BCL2: variants seen among roughly 807,000 people sequenced by gnomAD.
BCL2 encodes the protein apoptosis regulator Bcl-2.
In BCL2, 1 loss-of-function variant was observed where a neutral mutation model predicts 14.2. That is an observed-to-expected ratio of 0.07 (90% CI 0.02 to 0.33). BCL2 has a LOEUF of 0.33. Among genes scored for constraint, BCL2 ranks in the 10% least tolerant of loss-of-function variants. BCL2 has a pLI of 0.99. For missense variants in BCL2, 247 were observed against 305.9 expected (o/e 0.81, Z 1.44); for synonymous variants, 151 against 137.2 (o/e 1.10, Z -0.70).
intron 2 of BCL2, among the ~76,000 whole-genome samples, chr18:63,267,258 C>T (rs1180774015): frequency 1.3e-5 from 2 of 152,192 alleles, no homozygotes; most frequent in Non-Finnish European, 2.9e-5. Flanking sequence ...AGAAAAATTT[C>T]TCTGGCAAGA....
chr18:63,299,319 G>T (rs999271672), intron 2 of BCL2, among the ~76,000 whole-genome samples: 4 of 152,184 alleles, frequency 2.6e-5, no homozygotes, highest in Admixed American at 2.6e-4. Context: ...AGTGTTCAGC[G>T]ATGATCAACT....
intron 2 of BCL2, among the ~76,000 whole-genome samples, chr18:63,268,231 TG>T (rs1911892785): frequency 6.6e-6 from 1 of 152,224 alleles, no homozygotes; most frequent in Non-Finnish European, 1.5e-5. Context: ...GCTGTCTAGA[TG>T]TTTCTTAGAA....
At chr18:63,292,254 T>C (rs1354145883) in intron 2 of BCL2, among the ~76,000 whole-genome samples, 1 of 143,868 alleles carries the variant, frequency 7.0e-6, no homozygotes, top group African/African-American at 2.6e-5. Context: ...TCATGCCCAA[T>C]CCTTCAAAAG....
intron 2 of BCL2, among the ~76,000 whole-genome samples, chr18:63,291,857 C>A (rs554438774): frequency 6.6e-6 from 1 of 151,552 alleles, no homozygotes; most frequent in African/African-American, 2.4e-5. Flanking sequence ...CTTTCCTATT[C>A]TTAGAATCCT....
In BCL2 at chr18:63,277,574, CTT is replaced by C. The variant is rs11384331; in HGVS notation, c.585+40506_585+40507del. 1.5e-3 allele frequency among the ~76,000 whole-genome samples: 198 copies of C among 135,018 alleles called. 1 individual carries two copies. The highest frequency in any genetic ancestry group is 5.0e-3 in the African/African-American group (184 of 36,512). 88.6% of individuals were successfully genotyped at this position (135,018 alleles called of 152,430 possible). A position where few individuals can be genotyped will look rare whatever the true frequency, so the allele number is the denominator to read the frequency against. ...CTGGGTGACAGAGGGAGATCATGTCCTTTTTTTTTTTTTTTTTTAAGGTATTT... is the reference window on the plus strand; with the variant it reads ...CTGGGTGACAGAGGGAGATCATGTCCTTTTTTTTTTTTTTTTAAGGTATTT... On this transcript the variant is annotated intron_variant, in intron 2 of 2. Coordinates refer to ENST00000333681, the MANE Select transcript of BCL2 (RefSeq NM_000633.3).
At position 63,148,236 on chromosome 18, in the gene BCL2, T is replaced by C. The variant is rs564863249; in HGVS notation, c.586-19477A>G. 2.6e-5 allele frequency among the ~76,000 whole-genome samples: 4 copies of C among 152,314 alleles called. No homozygotes were observed. The East Asian group carries it at 7.7e-4, about 29-fold the overall frequency. On this transcript the variant is annotated intron_variant, in intron 2 of 2. Coordinates refer to ENST00000333681, the MANE Select transcript of BCL2 (RefSeq NM_000633.3). ...AAGAGAAGAATATCCATTTTCTCTCTCTCTCTCTTTTCCATTTTTATTAAG... is the reference window on the plus strand; with the variant it reads ...AAGAGAAGAATATCCATTTTCTCTCCCTCTCTCTTTTCCATTTTTATTAAG...
At chr18:63,175,177 A>C (rs1429273051) in intron 2 of BCL2, among the ~76,000 whole-genome samples, 3 of 152,228 alleles carry the variant, frequency 2.0e-5, no homozygotes, top group African/African-American at 4.8e-5. Context: ...TCATGAAAAA[A>C]TACTGGAAAA....
intron 2 of BCL2, chr18:63,302,793 A>G (rs1913005843): frequency 1.0e-6 from 1 of 985,386 alleles, no homozygotes. Context: ...TTAAGAAAGT[A>G]GTTTCCTGGC....
chr18:63,142,938 GGAAGACAGCA>G (rs1486885334), intron 2 of BCL2, among the ~76,000 whole-genome samples: 6 of 152,184 alleles, frequency 3.9e-5, no homozygotes, highest in African/African-American at 1.4e-4. Flanking sequence ...CTGTGCCCAG[GGAAGACAGCA>G]GACCTCTCTA....
intron 2 of BCL2, among the ~76,000 whole-genome samples, chr18:63,157,156 T>C (rs749375647): frequency 1.3e-5 from 2 of 152,212 alleles, no homozygotes; most frequent in Non-Finnish European, 2.9e-5. Flanking sequence ...GAGCCTCTTG[T>C]GTAAAAAACC....
chr18:63,145,394 G>C, intron 2 of BCL2, among the ~76,000 whole-genome samples: 1 of 122,306 alleles, frequency 8.2e-6, no homozygotes, highest in Admixed American at 7.8e-5. Flanking sequence ...AAGAGATCCA[G>C]GGGGTGGGGG....
intron 2 of BCL2, among the ~76,000 whole-genome samples, chr18:63,184,029 C>T (rs1021464782): frequency 2.6e-5 from 4 of 152,134 alleles, no homozygotes; most frequent in African/African-American, 9.7e-5. Context: ...AGAAAAAGGC[C>T]CCGCAAAGAA....
intron 2 of BCL2, among the ~76,000 whole-genome samples, chr18:63,183,021 G>T (rs1051063218): frequency 6.6e-6 from 1 of 152,178 alleles, no homozygotes; most frequent in Non-Finnish European, 1.5e-5. Context: ...GGCATGCCTA[G>T]GTCACTGACG....
chr18:63,281,685 A>C (rs928540696), intron 2 of BCL2, among the ~76,000 whole-genome samples: 113 of 88,724 alleles, frequency 1.3e-3, no homozygotes, highest in Non-Finnish European at 2.5e-3. Context: ...AGAAAGAAAG[A>C]AAGAAAGAAA....
intron 2 of BCL2, among the ~76,000 whole-genome samples, chr18:63,228,376 A>G (rs1198541779): frequency 1.3e-5 from 2 of 152,212 alleles, no homozygotes; most frequent in Admixed American, 6.5e-5. Flanking sequence ...GTGTCAACTA[A>G]TCCAAGAGCT....
At chr18:63,247,577 G>A (rs987737292) in intron 2 of BCL2, among the ~76,000 whole-genome samples, 7 of 152,290 alleles carry the variant, frequency 4.6e-5, no homozygotes, top group Admixed American at 4.6e-4. Flanking sequence ...GGAAGAACCA[G>A]AAAAACATCA....
chr18:63,301,306 C>G (rs931684396), intron 2 of BCL2, among the ~76,000 whole-genome samples: 3 of 119,728 alleles, frequency 2.5e-5, no homozygotes, highest in African/African-American at 7.5e-5. Context: ...TCAGTAATGG[C>G]TTACATAATA....
intron 2 of BCL2, among the ~76,000 whole-genome samples, chr18:63,224,916 A>G (rs1341059134): frequency 6.6e-6 from 1 of 152,184 alleles, no homozygotes; most frequent in Non-Finnish European, 1.5e-5. Flanking sequence ...AGAATCCAAC[A>G]CAGAAGAAAA....
chr18:63,194,030 T>C (rs1909370258), intron 2 of BCL2, among the ~76,000 whole-genome samples: 1 of 152,254 alleles, frequency 6.6e-6, no homozygotes, highest in East Asian at 1.9e-4. Flanking sequence ...AGTTCCCTTT[T>C]CCTTTAGCTC....
Sources: gnomAD v4.1 joint callset for allele counts (sites outside exome capture counted in the v4.1 genomes callset) on GRCh38, gnomAD v4.1.1 for gene constraint, MANE v1.5 for transcripts, NCBI Gene and HGNC (gene_info 2026-07-23, HGNC 2026-07-21) for gene names.